Variants in SHISA9 observed in about 807,000 individuals in gnomAD.
The protein encoded by SHISA9 is protein shisa-9.
A neutral mutation model predicts 38.0 loss-of-function variants in SHISA9; 13 were observed. The observed-to-expected ratio is 0.34, with a 90% CI of 0.22 to 0.54. The LOEUF (loss-of-function observed/expected upper bound fraction) is 0.54, where lower values mean the gene tolerates loss of function less well. Among genes scored for constraint, SHISA9 ranks in the 20% least tolerant of loss-of-function variants. SHISA9 has a pLI of 0.91. For synonymous variants in SHISA9, 275 were observed against 242.0 expected (o/e 1.14, Z -1.27); for missense variants, 538 against 575.8 (o/e 0.93, Z 0.67).
chr16:12,962,602 G>C (rs1228455719), intron 2 of SHISA9, among the ~76,000 whole-genome samples: 1 of 152,214 alleles, frequency 6.6e-6, no homozygotes, highest in East Asian at 1.9e-4. Flanking sequence ...TTGGGACATA[G>C]TAAGAAGGTG....
intron 2 of SHISA9, among the ~76,000 whole-genome samples, chr16:13,022,824 A>T (rs1014024257): frequency 6.6e-6 from 1 of 151,328 alleles, no homozygotes; most frequent in Non-Finnish European, 1.5e-5. Context: ...CTAGTATCAA[A>T]CTCCTGGGCT....
intron 3 of SHISA9, among the ~76,000 whole-genome samples, chr16:13,212,032 A>G (rs1197435533): frequency 6.6e-6 from 1 of 152,098 alleles, no homozygotes. Flanking sequence ...AGGGGTGTAC[A>G]GTTCAGATCC....
chr16:13,164,282 T>C (rs1173745048), intron 2 of SHISA9, among the ~76,000 whole-genome samples: 2 of 152,088 alleles, frequency 1.3e-5, no homozygotes, highest in Non-Finnish European at 2.9e-5. Flanking sequence ...ATATTATGAA[T>C]TACATGGATT....
chr16:13,136,546 C>T (rs1040779720), intron 2 of SHISA9, among the ~76,000 whole-genome samples: 1 of 151,666 alleles, frequency 6.6e-6, no homozygotes, highest in African/African-American at 2.4e-5. Flanking sequence ...TTACAGGTGC[C>T]CATCACCACT....
intron 4 of SHISA9, among the ~76,000 whole-genome samples, chr16:13,215,215 C>G (rs1373726990): frequency 6.6e-6 from 1 of 152,184 alleles, no homozygotes; most frequent in Non-Finnish European, 1.5e-5. Flanking sequence ...ATCAGCATCA[C>G]TTGGAGGGTT....
rs141087829 is a variant in SHISA9, at chr16:13,083,120, A to T, written c.692-120274A>T. Among the ~76,000 whole-genome samples the T allele has an allele frequency of 2.0e-3, 299 of 152,286 alleles. 1 individual carries two copies. The highest frequency in any genetic ancestry group is 6.9e-3 in the African/African-American group (285 of 41,554). On this transcript the variant is annotated intron_variant, in intron 2 of 4. Transcript: ENST00000558583. ...TGGATAGAGGGGAGGGGCAGCCAAC[A>T]GTGGGGTCACCAGAGGACTAGCAAA...
intron 2 of SHISA9, among the ~76,000 whole-genome samples, chr16:12,975,729 G>T (rs1414562474): frequency 6.6e-6 from 1 of 151,190 alleles, no homozygotes; most frequent in Non-Finnish European, 1.5e-5. Flanking sequence ...GATGGAAATT[G>T]TAGGTGGGGC....
intron 2 of SHISA9, among the ~76,000 whole-genome samples, chr16:12,933,625 T>TAAAA (rs940831793): frequency 2.0e-5 from 3 of 152,186 alleles, no homozygotes; most frequent in African/African-American, 7.2e-5. Flanking sequence ...ATCCTTGATT[T>TAAAA]AAAAAACATA....
In SHISA9 at chr16:12,901,855, G is replaced by C. The variant is rs1596517031; in HGVS notation, c.-210G>C. On this transcript the variant is annotated 5_prime_UTR_variant, in exon 1 of 5. Transcript: ENST00000558583. Reference sequence around the variant, plus strand: ...CGGCCGGCCCCTCGGCGCGCGGCGCGCTGGAGGCGAACGCGGGCTGAGGCG... The same window carrying C: ...CGGCCGGCCCCTCGGCGCGCGGCGCCCTGGAGGCGAACGCGGGCTGAGGCG... 1 of 160,920 alleles carries C rather than the reference G, an allele frequency of 6.2e-6. No individual in the cohort carries two copies. Among genetic ancestry groups the C allele is most frequent in the East Asian group, 1.9e-4 (1 of 5,216 alleles). 10.0% of individuals were successfully genotyped at this position (160,920 alleles called of 1,614,324 possible). A position where few individuals can be genotyped will look rare whatever the true frequency, so the allele number is the denominator to read the frequency against.
the SHISA9 span, among the ~76,000 whole-genome samples, chr16:13,541,156 C>G: frequency 6.6e-6 from 1 of 152,132 alleles, no homozygotes; most frequent in East Asian, 1.9e-4. Context: ...GGAGCCACTT[C>G]GTGCTGTTGG....
chr16:13,304,419 C>A, the SHISA9 span, among the ~76,000 whole-genome samples: 1 of 152,146 alleles, frequency 6.6e-6, no homozygotes, highest in South Asian at 2.1e-4. Context: ...ATCACCATGC[C>A]AGGCTAATTT....
chr16:13,032,581 T>A (rs1027400047), intron 2 of SHISA9, among the ~76,000 whole-genome samples: 1 of 152,194 alleles, frequency 6.6e-6, no homozygotes, highest in Non-Finnish European at 1.5e-5. Flanking sequence ...TTTTTAGAAA[T>A]GTGTATGTTG....
chr16:13,206,570 C>T (rs750348504), intron 3 of SHISA9, among the ~76,000 whole-genome samples: 6 of 152,178 alleles, frequency 3.9e-5, no homozygotes, highest in Non-Finnish European at 8.8e-5. Flanking sequence ...GTGCTTATAC[C>T]AGAAGTCTAT....
chr16:13,483,095 C>T, the SHISA9 span, among the ~76,000 whole-genome samples: 4 of 152,262 alleles, frequency 2.6e-5, no homozygotes, highest in Non-Finnish European at 2.9e-5. Flanking sequence ...GTTCAAACCC[C>T]ATCACAGACA....
the SHISA9 span, among the ~76,000 whole-genome samples, chr16:13,320,744 T>TG: frequency 2.6e-5 from 4 of 152,212 alleles, no homozygotes; most frequent in African/African-American, 7.2e-5. Context: ...AGGACAGGGT[T>TG]GGGGGACAAG....
chr16:12,918,055 T>C (rs959602549), intron 2 of SHISA9, among the ~76,000 whole-genome samples: 1 of 152,156 alleles, frequency 6.6e-6, no homozygotes, highest in Non-Finnish European at 1.5e-5. Context: ...GGCCACCAAA[T>C]AGGATGTGTT....
At chr16:13,102,151 C>T (rs1238859021) in intron 2 of SHISA9, among the ~76,000 whole-genome samples, 3 of 152,200 alleles carry the variant, frequency 2.0e-5, no homozygotes, top group East Asian at 1.9e-4. Context: ...GAGGAAGGCT[C>T]ACCTGGGGTT....
At chr16:13,319,423 T>C in the SHISA9 span, among the ~76,000 whole-genome samples, 14 of 152,180 alleles carry the variant, frequency 9.2e-5, no homozygotes, top group African/African-American at 3.4e-4. Context: ...ACAAATATAT[T>C]AGTCGTCAAA....
the SHISA9 span, among the ~76,000 whole-genome samples, chr16:13,520,387 T>C: frequency 6.6e-6 from 1 of 151,530 alleles, no homozygotes; most frequent in African/African-American, 2.4e-5. Context: ...ATCACGAGGT[T>C]GAGAGATCGA....
Sources: gnomAD v4.1 joint callset for allele counts (sites outside exome capture counted in the v4.1 genomes callset) on GRCh38, gnomAD v4.1.1 for gene constraint, MANE v1.5 for transcripts, NCBI Gene and HGNC (gene_info 2026-07-23, HGNC 2026-07-21) for gene names.